The following CSPG4 variants were observed in gnomAD, a reference collection of about 807,000 sequenced individuals.
CSPG4 encodes the protein chondroitin sulfate proteoglycan 4.
A neutral mutation model predicts 139.3 loss-of-function variants in CSPG4; 74 were observed. That is an observed-to-expected ratio of 0.53 (90% CI 0.44 to 0.64). The LOEUF (loss-of-function observed/expected upper bound fraction) is 0.64. CSPG4 is among the 30% of genes least tolerant of loss of function. The pLI is 0.00. For synonymous variants in CSPG4, 1,234 were observed against 1,394.2 expected, an observed-to-expected ratio of 0.89 and a Z score of 2.56; for missense variants, 2,565 against 3,148.3, an observed-to-expected ratio of 0.81 and a Z score of 4.43.
Position 75,677,219 on chromosome 15 carries a change from A to G in CSPG4, c.5300T>C (p.Leu1767Pro). Residue 1767 changes from leucine (L) to proline (P), a missense_variant, in exon 10 of 10, where the codon CTC becomes CCC. By Grantham distance (98) the Leu-to-Pro change is moderately conservative (BLOSUM62 -3). Transcript: ENST00000308508. ...CAGGAAGTGGGGCTGCCCAGCATGG[A>G]GGGGCTCCTCGGACACCAACAGCTG... Reference protein sequence around the residue: ...RGQLLVSEEPLHAGQPHFLQS... With the variant: ...RGQLLVSEEPPHAGQPHFLQS... 6.8e-7 allele frequency: 1 copy of G among 1,472,650 alleles called. No individual in the cohort carries two copies. Among genetic ancestry groups the G allele is most frequent in the East Asian group, 2.5e-5 (1 of 40,362 alleles). 91.2% of individuals were successfully genotyped at this position (1,472,650 alleles called of 1,614,324 possible).
chr15:75,692,202 T>C (rs1894173039), intron 2 of CSPG4, among the ~76,000 whole-genome samples: 1 of 152,232 alleles, frequency 6.6e-6, no homozygotes, highest in African/African-American at 2.4e-5. Context: ...CAGGCTGGTC[T>C]CGAACTCCTG....
chr15:75,708,644 G>A (rs1040225644), intron 1 of CSPG4, among the ~76,000 whole-genome samples: 7 of 152,196 alleles, frequency 4.6e-5, no homozygotes, highest in South Asian at 2.1e-4. Flanking sequence ...CTGCTGTTGG[G>A]GTGAGTGAGA....
At position 75,689,144 on chromosome 15, in the gene CSPG4, G is replaced by A. The variant is rs142870917; in HGVS notation, c.1921C>T (p.Arg641Trp). The change falls in exon 3 of 10, where the codon CGG becomes TGG. Residue 641 changes from arginine (R) to tryptophan (W), a missense_variant. Around this residue, in one of 5 missense-constraint regions of CSPG4, gnomAD observed 2,316 missense variants for 2,818.2 expected, o/e 0.82. Coordinates refer to ENST00000308508, the MANE Select transcript of CSPG4 (RefSeq NM_001897.5). ...CTGGCCTGCAGTCCATCGCTGACCC[G>A]GAACGTCAAGTCCTGTGCAGGACCA... is the stretch of plus-strand genomic sequence containing the variant. ...RGGPAQDLTF[R>W]VSDGLQASPP... The A allele has an allele frequency of 7.3e-4, 1,169 of 1,598,572 alleles. 5 individuals are homozygous for A. The highest frequency in any genetic ancestry group is 1.1e-3 in the Middle Eastern group (5 of 4,542).
upstream of CSPG4, chr15:75,712,952 C>T: frequency 1.9e-6 from 1 of 535,868 alleles, no homozygotes; most frequent in East Asian, 3.5e-5. Flanking sequence ...CTGCCCCCAC[C>T]CTCAACCTTC....
rs748211246 is a variant in CSPG4, at chr15:75,687,978, C to T, written c.3087G>A (p.Val1029=). 13 of 1,612,498 alleles carry T rather than the reference C, an allele frequency of 8.1e-6. No individual in the cohort carries two copies. Among genetic ancestry groups the T allele is most frequent in the Non-Finnish European group, 1.1e-5 (13 of 1,179,872 alleles). ...PVQTISRIFH[V]ARGGRRLLTT... Reference sequence around the variant, plus strand: ...TCAGCAGCCGCCGCCCACCCCGGGCCACATGGAAGATCCGGCTGATGGTCT... The same window carrying T: ...TCAGCAGCCGCCGCCCACCCCGGGCTACATGGAAGATCCGGCTGATGGTCT... The change falls in exon 3 of 10, where the codon GTG becomes GTA. Residue 1029 remains valine, a synonymous_variant. Transcript: ENST00000308508. The surrounding 1 kb of genome is among the most constrained non-coding windows in gnomAD (Gnocchi z 5.4).
Position 75,689,425 on chromosome 15 carries a change from T to A in CSPG4, c.1640A>T (p.Asn547Ile), listed in dbSNP as rs573902773. The A allele has an allele frequency of 3.1e-6, 5 of 1,612,632 alleles. No homozygotes were observed. The Admixed American group carries it at 8.3e-5, about 27-fold the overall frequency. The stretch of plus-strand genomic sequence containing the variant: ...GATGTGGGGTGGGTCATTGACAGGG[T>A]TGACCTGGATGGGCAGGAGGTATGT... Reference protein sequence around the residue: ...GQTYLLPIQVNPVNDPPHIIF... With the variant: ...GQTYLLPIQVIPVNDPPHIIF... Residue 547 changes from asparagine to isoleucine, a missense_variant, in exon 3 of 10, where the codon AAC becomes ATC. Transcript: ENST00000308508.
chr15:75,699,215 G>A (rs999407131), intron 1 of CSPG4, among the ~76,000 whole-genome samples: 1 of 152,252 alleles, frequency 6.6e-6, no homozygotes, highest in African/African-American at 2.4e-5. Flanking sequence ...TGGAGTGCTA[G>A]GCACCTGCTC....
intron 3 of CSPG4, among the ~76,000 whole-genome samples, 172 bp from the exon 4 acceptor site, chr15:75,685,873 C>T (rs1303020381): frequency 6.6e-6 from 1 of 152,200 alleles, no homozygotes; most frequent in East Asian, 1.9e-4. Flanking sequence ...ACACAGCAGC[C>T]AGACATGCAG....
chr15:75,712,848 C>CG, upstream of CSPG4: 1 of 1,128,010 alleles, frequency 8.9e-7, no homozygotes, highest in Non-Finnish European at 1.2e-6. Flanking sequence ...CTCCTGGGCG[C>CG]GGGCCGGCTC....
At chr15:75,681,473 C>T (rs1223921327) in intron 8 of CSPG4, among the ~76,000 whole-genome samples, 3 of 152,178 alleles carry the variant, frequency 2.0e-5, no homozygotes, top group Admixed American at 6.5e-5. Context: ...GTCAGCTCTG[C>T]GCCCCACAAG....
chr15:75,684,810 G>A lies in CSPG4; in HGVS notation c.4375C>T (p.Pro1459Ser). 1 of 1,613,694 alleles carries A rather than the reference G, an allele frequency of 6.2e-7. No homozygotes were observed. Among genetic ancestry groups the A allele is most frequent in the Non-Finnish European group, 8.5e-7 (1 of 1,179,892 alleles). The change falls in exon 5 of 10, where the codon CCT becomes TCT. Residue 1459 changes from proline (P) to serine (S), a missense_variant. By Grantham distance (74) the Pro-to-Ser change is moderately conservative. Around this residue, in one of 5 missense-constraint regions of CSPG4, gnomAD observed 2,316 missense variants for 2,818.2 expected, o/e 0.82. Transcript: ENST00000308508. ...NASEMDRQSH[P>S]VAFTVTVLPV... ...AGGACAGTGACAGTGAAGGCCACAG[G>A]ATGGCTCTGGCGATCCATCTCGGAG...
chr15:75,689,663 C>T lies in CSPG4; in HGVS notation c.1402G>A (p.Val468Met), dbSNP rs753167811. The T allele has an allele frequency of 6.2e-7, 1 of 1,612,820 alleles. No homozygotes were observed. Among genetic ancestry groups the T allele is most frequent in the Non-Finnish European group, 8.5e-7 (1 of 1,179,874 alleles). Residue 468 changes from valine (V) to methionine (M), a missense_variant, in exon 3 of 10, where the codon GTG becomes ATG. Around this residue, in one of 5 missense-constraint regions of CSPG4, gnomAD observed 2,316 missense variants for 2,818.2 expected, o/e 0.82. Coordinates refer to ENST00000308508, the MANE Select transcript of CSPG4 (RefSeq NM_001897.5). ...GCCCCTCGGGTCACGCTGAACAGCA[C>T]CTGGGATTTGCGCAGCTCAGCCTCC... ...LMEAELRKSQ[V>M]LFSVTRGARH...
chr15:75,682,441 C>T lies in CSPG4; in HGVS notation c.4802G>A (p.Ser1601Asn). 1 of 1,585,356 alleles carries T rather than the reference C, an allele frequency of 6.3e-7. No individual in the cohort carries two copies. The change falls in exon 8 of 10, where the codon AGC becomes AAC. Residue 1601 changes from serine (S) to asparagine (N), a missense_variant. This residue lies in a region of CSPG4 where 2,316 missense variants were observed against 2,818.2 expected (regional missense o/e 0.82). Transcript: ENST00000308508. Reference protein sequence around the residue: ...TVCPGSVQPLSSQTLRASSSA... With the variant: ...TVCPGSVQPLNSQTLRASSSA... The stretch of plus-strand genomic sequence containing the variant: ...GGAGCTGGCCCTGAGGGTCTGACTG[C>T]TGAGTGGCTGGACGGACCCTGCCAG...
At chr15:75,710,347 C>T (rs893379234) in intron 1 of CSPG4, among the ~76,000 whole-genome samples, 2 of 152,214 alleles carry the variant, frequency 1.3e-5, no homozygotes, top group African/African-American at 4.8e-5. Flanking sequence ...CAATCTCCCC[C>T]AATGCTTGGC....
rs1164103020 is a variant in CSPG4, at chr15:75,688,274, T to C, written c.2791A>G (p.Ser931Gly). 1 of 1,613,076 alleles carries C rather than the reference T, an allele frequency of 6.2e-7. No homozygotes were observed. The highest frequency in any genetic ancestry group is 8.5e-7 in the Non-Finnish European group (1 of 1,180,030). ...CGCTCCATGACCTCATAGAGGTAGCTGGCACTGTTGAGACTCTTGACAAAG... is the reference window on the plus strand; with the variant it reads ...CGCTCCATGACCTCATAGAGGTAGCCGGCACTGTTGAGACTCTTGACAAAG... ...HLFVKSLNSA[S>G]YLYEVMERPR... Residue 931 changes from serine to glycine, a missense_variant, in exon 3 of 10, where the codon AGC becomes GGC. This residue lies in a region of CSPG4 where 2,316 missense variants were observed against 2,818.2 expected (regional missense o/e 0.82). Coordinates refer to ENST00000308508, the MANE Select transcript of CSPG4 (RefSeq NM_001897.5).
chr15:75,684,996 T>C, intron 4 of CSPG4, 84 bp from the exon 5 acceptor site: 1 of 1,402,268 alleles, frequency 7.1e-7, no homozygotes, highest in South Asian at 1.3e-5. Flanking sequence ...GACTGACTCT[T>C]TTAGGGCTTC....
chr15:75,676,750 A>G lies in CSPG4; in HGVS notation c.5769T>C (p.Asp1923=), dbSNP rs747574893. Residue 1923 remains aspartate, a synonymous_variant, in exon 10 of 10, where the codon GAT becomes GAC. Coordinates refer to ENST00000308508, the MANE Select transcript of CSPG4 (RefSeq NM_001897.5). ...VAGIFQLSMS[D]GASPPLPMSL... ...ACATGGGCAGGGGTGGGCTGGCCCC[A>G]TCAGACATGCTCAGCTGGAAGATGC... 3.2e-6 allele frequency: 5 copies of G among 1,564,542 alleles called. No homozygotes were observed. The highest frequency in any genetic ancestry group is 4.3e-6 in the Non-Finnish European group (5 of 1,153,574).
In CSPG4 at chr15:75,676,264, G is replaced by A. The variant is rs375143693; in HGVS notation, c.6255C>T (p.Leu2085=). 1 of 1,572,816 alleles carries A rather than the reference G, an allele frequency of 6.4e-7. No individual in the cohort carries two copies. The highest frequency in any genetic ancestry group is 8.6e-7 in the Non-Finnish European group (1 of 1,164,850). Residue 2085 remains leucine, a synonymous_variant, in exon 10 of 10, where the codon CTC becomes CTT. Transcript: ENST00000308508. ...CGCGGCCATGCCGGGGTCCCTCCAG[G>A]AGGCGGAAGCGCGGCACACTGCCTG... ...NRTGSVPRFR[L]LEGPRHGRVV...
rs776536045 is a variant in CSPG4 at position 75,677,005 on chromosome 15, A to G, written c.5514T>C (p.Ser1838=). 1.4e-6 allele frequency: 2 copies of G among 1,454,414 alleles called. No homozygotes were observed. Among genetic ancestry groups the G allele is most frequent in the Middle Eastern group, 2.0e-4 (1 of 4,964 alleles). 90.1% of individuals were successfully genotyped at this position (1,454,414 alleles called of 1,614,324 possible). A position where few individuals can be genotyped will look rare whatever the true frequency, so the allele number is the denominator to read the frequency against. Residue 1838 remains serine, a synonymous_variant, in exon 10 of 10, where the codon TCT becomes TCC. Coordinates refer to ENST00000308508, the MANE Select transcript of CSPG4 (RefSeq NM_001897.5). Reference sequence around the variant, plus strand: ...AGCCTCGGGTGAGCCGGAGTGGGACAGAGGCCTGTGGCTGAGGGGGCCGCT... The same window carrying G: ...AGCCTCGGGTGAGCCGGAGTGGGACGGAGGCCTGTGGCTGAGGGGGCCGCT... ...VNERPPQPQA[S]VPLRLTRGSR...
Sources: gnomAD v4.1 joint callset for allele counts (sites outside exome capture counted in the v4.1 genomes callset) on GRCh38, gnomAD v4.1.1 for gene constraint, gnomAD v4.1.1 regional missense constraint, Gnocchi (gnomAD v3.1) non-coding constraint, MANE v1.5 for transcripts, NCBI Gene and HGNC (gene_info 2026-07-23, HGNC 2026-07-21) for gene names.